ECH1: variants seen among roughly 807,000 people sequenced by gnomAD.
ECH1 encodes enoyl-CoA hydratase 1.
ECH1 carries 30 observed loss-of-function variants against 37.0 expected under a neutral mutation model. That is an observed-to-expected ratio of 0.81 (90% CI 0.61 to 1.10). The LOEUF (loss-of-function observed/expected upper bound fraction) is 1.10, where lower values mean the gene tolerates loss of function less well. ECH1 is among the 50% of genes least tolerant of loss of function. ECH1 has a pLI of 0.00. For synonymous variants in ECH1, 178 were observed against 176.0 expected, an observed-to-expected ratio of 1.01 and a Z score of -0.09; for missense variants, 456 against 441.6, an observed-to-expected ratio of 1.03 and a Z score of -0.29.
At chr19:38,818,920 T>C (rs1298703501) in intron 3 of ECH1, among the ~76,000 whole-genome samples, 3 of 130,740 alleles carry the variant, frequency 2.3e-5, no homozygotes, top group Non-Finnish European at 4.9e-5. Context: ...TGTGTGTGTG[T>C]GTGTGTGTGT....
intron 3 of ECH1, among the ~76,000 whole-genome samples, chr19:38,824,164 T>C (rs1466862842): frequency 6.6e-6 from 1 of 152,166 alleles, no homozygotes; most frequent in East Asian, 1.9e-4. Flanking sequence ...CTCCACTTCA[T>C]TTTTGGGGCA....
intron 3 of ECH1, among the ~76,000 whole-genome samples, chr19:38,823,668 T>C (rs1057347986): frequency 3.9e-5 from 6 of 152,192 alleles, no homozygotes; most frequent in South Asian, 4.1e-4. Flanking sequence ...CATGCAGCTC[T>C]AGGGTCCCGA....
intron 3 of ECH1, among the ~76,000 whole-genome samples, chr19:38,829,447 C>A (rs1568361753): frequency 2.0e-5 from 3 of 147,594 alleles, no homozygotes; most frequent in Admixed American, 6.7e-5. Context: ...GGTGACAAAG[C>A]GAGACTCTGT....
intron 3 of ECH1, chr19:38,818,287 T>G: frequency 2.0e-6 from 2 of 985,414 alleles, no homozygotes; most frequent in Non-Finnish European, 2.4e-6. Context: ...TGATGTTTCC[T>G]GAGATGAGAA....
chr19:38,816,785 CCCTA>C (rs1971583244), intron 6 of ECH1: 3 of 621,806 alleles, frequency 4.8e-6, no homozygotes, highest in Non-Finnish European at 8.5e-6. Context: ...ACCCTCCTCA[CCCTA>C]CCTGAGACCC....
intron 3 of ECH1, among the ~76,000 whole-genome samples, chr19:38,821,616 A>G (rs894063607): frequency 6.6e-6 from 1 of 152,168 alleles, no homozygotes; most frequent in Non-Finnish European, 1.5e-5. Flanking sequence ...ACCTGCCCTG[A>G]GCAGTGAGGG....
In ECH1 at chr19:38,816,491, T is replaced by G; in HGVS notation, c.621A>C (p.Gly207=). The G allele has an allele frequency of 6.2e-7, 1 of 1,614,148 alleles. No homozygotes were observed. The highest frequency in any genetic ancestry group is 8.5e-7 in the Non-Finnish European group (1 of 1,180,000). ...EVDVGLAADV[G]TLQRLPKVIG... ...TGACCTTGGGCAGGCGCTGCAGTGT[T>G]CCTACATCGGCAGCCAAACCCACGT... Residue 207 remains glycine (G), a synonymous_variant, in exon 7 of 10, where the codon GGA becomes GGC. Coordinates refer to ENST00000221418, the MANE Select transcript of ECH1 (RefSeq NM_001398.3).
intron 3 of ECH1, among the ~76,000 whole-genome samples, chr19:38,818,901 C>CTCTGTGTG (rs1971617232): frequency 7.5e-6 from 1 of 133,510 alleles, no homozygotes; most frequent in African/African-American, 2.8e-5. Context: ...GCCTCCAACT[C>CTCTGTGTG]TGTGTGTGTG....
In ECH1 at chr19:38,815,988, C is replaced by CT. The variant is rs751711165; in HGVS notation, c.750dup (p.Glu251ArgfsTer66). On this transcript the variant is annotated frameshift_variant, in exon 9 of 10. Transcript: ENST00000221418. LOFTEE classifies it high-confidence loss of function. ...GCTAAGGCAGCATCCAGCATGACCT[C>CT]TTTGTCTGGGAACACCCGGCTGCAG... The CT allele has an allele frequency of 6.2e-7, 1 of 1,613,612 alleles. No homozygotes were observed. Among genetic ancestry groups the CT allele is most frequent in the Non-Finnish European group, 8.5e-7 (1 of 1,180,020 alleles).
Position 38,817,141 on chromosome 19 carries a change from A to G in ECH1, c.524-12T>C. 6.4e-7 allele frequency: 1 copy of G among 1,564,546 alleles called. No homozygotes were observed. Among genetic ancestry groups the G allele is most frequent in the Non-Finnish European group, 8.7e-7 (1 of 1,154,470 alleles). On this transcript the variant is annotated splice_polypyrimidine_tract_variant and intron_variant, in intron 5 of 9. Transcript: ENST00000221418. ...GACAAGGTCCACACCTAGGAGGTAG[A>G]GGCCAGGGATGCTGAATGACCACCA...
intron 3 of ECH1, chr19:38,818,316 A>G (rs947137005): frequency 5.7e-5 from 56 of 985,090 alleles, no homozygotes; most frequent in Non-Finnish European, 6.3e-5. Context: ...CGATGCAGCA[A>G]TTTCTGTGGC....
At chr19:38,824,987 C>T (rs1042216071) in intron 3 of ECH1, among the ~76,000 whole-genome samples, 1 of 152,176 alleles carries the variant, frequency 6.6e-6, no homozygotes, top group Non-Finnish European at 1.5e-5. Context: ...CAAGGCAGAC[C>T]TGGGGAAGTT....
At chr19:38,821,892 C>G (rs1971668963) in intron 3 of ECH1, among the ~76,000 whole-genome samples, 1 of 152,258 alleles carries the variant, frequency 6.6e-6, no homozygotes, top group Non-Finnish European at 1.5e-5. Context: ...CGCCTGCGGC[C>G]CTGGTGCAGG....
Position 38,815,893 on chromosome 19 carries a change from G to A in ECH1, c.846C>T (p.Ser282=). 6.2e-7 allele frequency: 1 copy of A among 1,614,188 alleles called. No individual in the cohort carries two copies. The highest frequency in any genetic ancestry group is 8.5e-7 in the Non-Finnish European group (1 of 1,180,026). The part of the protein sequence containing the change: ...VQSTKVNLLY[S]RDHSVAESLN... ...GGCTCTCGGCCACCGAATGGTCGCG[G>A]GAATACAGCAGGTTGACCTTGGTGC... The change falls in exon 9 of 10, where the codon TCC becomes TCT. Residue 282 remains serine, a synonymous_variant. Transcript: ENST00000221418.
At chr19:38,829,364 G>A (rs998066464) in intron 3 of ECH1, among the ~76,000 whole-genome samples, 17 of 151,806 alleles carry the variant, frequency 1.1e-4, no homozygotes, top group Non-Finnish European at 2.4e-4. Flanking sequence ...AGGAGGCTGA[G>A]GCAGGAGAAT....
At chr19:38,818,901 CTGTGTG>C (rs761871749) in intron 3 of ECH1, among the ~76,000 whole-genome samples, 13 of 133,588 alleles carry the variant, frequency 9.7e-5, no homozygotes, top group African/African-American at 2.5e-4. Context: ...GCCTCCAACT[CTGTGTG>C]TGTGTGTGTG....
chr19:38,831,613 A>C, intron 1 of ECH1, 97 bp from the exon 2 acceptor site: 9 of 1,568,494 alleles, frequency 5.7e-6, no homozygotes, highest in Non-Finnish European at 7.8e-6. Flanking sequence ...GCACCCCTGA[A>C]TTTAGGGGAC....
At position 38,817,288 on chromosome 19, in the gene ECH1, C is replaced by A. The variant is rs572973424; in HGVS notation, c.523+28G>T. The A allele has an allele frequency of 2.0e-5, 31 of 1,534,300 alleles. No homozygotes were observed. The South Asian group carries it at 3.7e-4, about 18-fold the overall frequency. ...AGCAGCAGCCCCACCTGGGGAGCAC[C>A]CGAGCAGGAGGATAGCCGCAGACTC... is the stretch of plus-strand genomic sequence containing the variant. On this transcript the variant is annotated intron_variant, in intron 5 of 9. Coordinates refer to ENST00000221418, the MANE Select transcript of ECH1 (RefSeq NM_001398.3).
intron 2 of ECH1, 42 bp downstream of exon 2, chr19:38,831,267 G>A (rs753105568): frequency 6.2e-7 from 1 of 1,606,178 alleles, no homozygotes; most frequent in African/African-American, 1.3e-5. Context: ...CCGCAGCCCC[G>A]CCTCCCCCCG....
Sources: gnomAD v4.1 joint callset for allele counts (sites outside exome capture counted in the v4.1 genomes callset) on GRCh38, gnomAD v4.1.1 for gene constraint, MANE v1.5 for transcripts, NCBI Gene and HGNC (gene_info 2026-07-23, HGNC 2026-07-21) for gene names.